PI16: variants seen among roughly 807,000 people sequenced by gnomAD.
PI16 encodes the protein peptidase inhibitor 16.
Under a neutral mutation model 38.0 loss-of-function variants are expected in PI16, and 35 were observed. The observed-to-expected ratio is 0.92, with a 90% CI of 0.70 to 1.22. PI16 has a LOEUF of 1.22. PI16 is among the 50% of genes most tolerant of loss of function. PI16 has a pLI of 0.00. For synonymous variants in PI16, 275 were observed against 252.9 expected, an observed-to-expected ratio of 1.09 and a Z score of -0.83; for missense variants, 572 against 593.8, an observed-to-expected ratio of 0.96 and a Z score of 0.38.
chr6:36,959,356 A>C lies in PI16; in HGVS notation c.383A>C (p.His128Pro), dbSNP rs1425466448. Residue 128 changes from histidine to proline, a missense_variant, in exon 2 of 7, where the codon CAC becomes CCC. Physicochemically the swap from His to Pro is moderately conservative, Grantham distance 77. Coordinates refer to ENST00000373674, the MANE Select transcript of PI16 (RefSeq NM_153370.3). Reference protein sequence around the residue: ...ATCSPGQMCGHYTQVVWAKTE... With the variant: ...ATCSPGQMCGPYTQVVWAKTE... ...TGCAGCCCAGGCCAGATGTGCGGCC[A>C]CTACACGCAGGTGTGGGCCCGGCGG... 1 of 1,556,652 alleles carries C rather than the reference A, an allele frequency of 6.4e-7. No individual in the cohort carries two copies. Among genetic ancestry groups the C allele is most frequent in the Non-Finnish European group, 8.7e-7 (1 of 1,150,866 alleles).
At position 36,963,498 on chromosome 6, in the gene PI16, A is replaced by C; in HGVS notation, c.1156A>C (p.Thr386Pro). Residue 386 changes from threonine to proline, a missense_variant, in exon 5 of 7, where the codon ACA (threonine) becomes CCA (proline). Thr to Pro is a conservative substitution (Grantham distance 38). Transcript: ENST00000373674. ...AQDKPGELQA[T>P]LDHTGHTSSK... ...GGACAAGCCAGGTGAGCTGCAGGCC[A>C]CACTGGACCACACGGGGCACACCTC... is the stretch of plus-strand genomic sequence containing the variant. 1.2e-6 allele frequency: 2 copies of C among 1,614,172 alleles called. No homozygotes were observed. Among genetic ancestry groups the C allele is most frequent in the Non-Finnish European group, 1.7e-6 (2 of 1,180,038 alleles).
Position 36,959,126 on chromosome 6 carries a change from T to C in PI16, c.172-19T>C, listed in dbSNP as rs1051661303. Reference sequence around the variant, plus strand: ...CATCTGTGGGCATCCTCACCTCCCTTCTCTCACCTGCCCTGCAGAGATGGG... The same window carrying C: ...CATCTGTGGGCATCCTCACCTCCCTCCTCTCACCTGCCCTGCAGAGATGGG... On this transcript the variant is annotated intron_variant, in intron 1 of 6. Transcript: ENST00000373674. 1.9e-6 allele frequency: 3 copies of C among 1,593,852 alleles called. No individual in the cohort carries two copies. The highest frequency in any genetic ancestry group is 2.7e-5 in the African/African-American group (2 of 74,734).
At position 36,959,315 on chromosome 6, in the gene PI16, C is replaced by A. The variant is rs1280225284; in HGVS notation, c.342C>A (p.Asn114Lys). The change falls in exon 2 of 7, where the codon AAC (asparagine) becomes AAA (lysine). Residue 114 changes from asparagine to lysine, a missense_variant. Transcript: ENST00000373674. ...EEWHHEREHY[N>K]LSAATCSPGQ... ...GGCACCACGAGCGTGAGCACTACAA[C>A]CTCAGCGCCGCCACCTGCAGCCCAG... 2.5e-6 allele frequency: 4 copies of A among 1,580,674 alleles called. No homozygotes were observed. The highest frequency in any genetic ancestry group is 3.4e-6 in the Non-Finnish European group (4 of 1,163,698).
At chr6:36,952,930 A>C (rs942909417), upstream of PI16, among the ~76,000 whole-genome samples, 1 of 152,204 alleles carries the variant, frequency 6.6e-6, no homozygotes, top group Non-Finnish European at 1.5e-5. Flanking sequence ...TAATCCATGA[A>C]TATAGGATGA....
chr6:36,963,163 C>T lies in PI16; in HGVS notation c.821C>T (p.Pro274Leu), dbSNP rs764477574. The T allele has an allele frequency of 2.5e-6, 4 of 1,614,226 alleles. No individual in the cohort carries two copies. The East Asian group carries it at 8.9e-5, about 36-fold the overall frequency. Residue 274 changes from proline to leucine, a missense_variant, in exon 5 of 7, where the codon CCC becomes CTC. Pro to Leu is a moderately conservative substitution (Grantham distance 98). Coordinates refer to ENST00000373674, the MANE Select transcript of PI16 (RefSeq NM_153370.3). The stretch of plus-strand genomic sequence containing the variant: ...ACTTCCTTAGCAACGAAAGACCCGC[C>T]CTCCATGGCAACAGAGGCTCCACCT... The part of the protein sequence containing the change: ...APTSLATKDP[P>L]SMATEAPPCV...
rs41272196 is a variant in PI16 at position 36,962,914 on chromosome 6, C to T, written c.593-21C>T. 4 of 1,586,062 alleles carry T rather than the reference C, an allele frequency of 2.5e-6. No individual in the cohort carries two copies. The highest frequency in any genetic ancestry group is 2.7e-5 in the African/African-American group (2 of 73,922). ...GGGTCCTGCTTGCAGCACTCATGCCCGTTCTCGTCTGTCTTATCAGAACCC... is the reference window on the plus strand; with the variant it reads ...GGGTCCTGCTTGCAGCACTCATGCCTGTTCTCGTCTGTCTTATCAGAACCC... On this transcript the variant is annotated intron_variant, in intron 4 of 6. Coordinates refer to ENST00000373674, the MANE Select transcript of PI16 (RefSeq NM_153370.3). This position sits in a 1 kb window ranked among gnomAD's most constrained non-coding sequence, Gnocchi z 4.1.
chr6:36,952,916 C>T (rs1763122399), upstream of PI16, among the ~76,000 whole-genome samples: 1 of 152,176 alleles, frequency 6.6e-6, no homozygotes, highest in Non-Finnish European at 1.5e-5. Flanking sequence ...AATATCAAGT[C>T]TTCTAATCCA....
chr6:36,958,136 G>A (rs1763252909), intron 1 of PI16, among the ~76,000 whole-genome samples: 1 of 151,940 alleles, frequency 6.6e-6, no homozygotes, highest in African/African-American at 2.4e-5. Context: ...TGGCCACACA[G>A]CCACCTCCCC....
intron 1 of PI16, among the ~76,000 whole-genome samples, chr6:36,958,160 AGCTCTTGGC>A (rs1244078626): frequency 6.6e-6 from 1 of 152,214 alleles, no homozygotes; most frequent in Non-Finnish European, 1.5e-5. Context: ...GGGTCACCCA[AGCTCTTGGC>A]GCTTTATGGG....
In PI16 at chr6:36,963,107, G is replaced by C; in HGVS notation, c.765G>C (p.Lys255Asn). 1 of 1,614,232 alleles carries C rather than the reference G, an allele frequency of 6.2e-7. No homozygotes were observed. The highest frequency in any genetic ancestry group is 8.5e-7 in the Non-Finnish European group (1 of 1,180,032). Residue 255 changes from lysine (K) to asparagine (N), a missense_variant, in exon 5 of 7, where the codon AAG becomes AAC. Lys to Asn is a moderately conservative substitution (Grantham distance 94). Coordinates refer to ENST00000373674, the MANE Select transcript of PI16 (RefSeq NM_153370.3). ...VTEVSGSLAT[K>N]ALPAVETQAP... ...AGGTCTCAGGCTCCCTGGCAACCAA[G>C]GCTCTGCCTGCTGTGGAAACCCAGG... is the stretch of plus-strand genomic sequence containing the variant.
chr6:36,957,186 T>C lies in PI16; in HGVS notation c.172-1959T>C, dbSNP rs1007966417. On this transcript the variant is annotated intron_variant, in intron 1 of 6. Coordinates refer to ENST00000373674, the MANE Select transcript of PI16 (RefSeq NM_153370.3). ...AGCTCCTGACTGAGAAGGTTCTGTG[T>C]GTTCTGGCCCCTGCCTATCTCTCCA... is the stretch of plus-strand genomic sequence containing the variant. 3.9e-5 allele frequency among the ~76,000 whole-genome samples: 6 copies of C among 152,294 alleles called. No homozygotes were observed. In the East Asian group the frequency reaches 1.2e-3, roughly 29 times the overall value.
In PI16 at chr6:36,964,601, C is replaced by T. The variant is rs1030983471; in HGVS notation, c.*234C>T. 3.9e-5 allele frequency: 6 copies of T among 152,810 alleles called. No homozygotes were observed. The highest frequency in any genetic ancestry group is 1.3e-4 in the Admixed American group (2 of 15,286). 9.5% of individuals were successfully genotyped at this position (152,810 alleles called of 1,614,324 possible). A position where few individuals can be genotyped will look rare whatever the true frequency, so the allele number is the denominator to read the frequency against. On this transcript the variant is annotated 3_prime_UTR_variant, in exon 7 of 7. Coordinates refer to ENST00000373674, the MANE Select transcript of PI16 (RefSeq NM_153370.3). Reference sequence around the variant, plus strand: ...GCCCACACCTCTCCTGCCCCTCCCTCCTGAGTCCTGGGGGTGGGAGGATTT... The same window carrying T: ...GCCCACACCTCTCCTGCCCCTCCCTTCTGAGTCCTGGGGGTGGGAGGATTT...
chr6:36,950,631 C>T (rs944322106), upstream of PI16, among the ~76,000 whole-genome samples: 1 of 151,994 alleles, frequency 6.6e-6, no homozygotes, highest in Non-Finnish European at 1.5e-5. The surrounding 1 kb of genome is among the most constrained non-coding windows in gnomAD (Gnocchi z 4.2). Context: ...GCAACCTCCA[C>T]TTCCTGGGTT....
At position 36,961,575 on chromosome 6, in the gene PI16, G is replaced by A. The variant is rs1219872095; in HGVS notation, c.503+15G>A. On this transcript the variant is annotated intron_variant, in intron 3 of 6. Coordinates refer to ENST00000373674, the MANE Select transcript of PI16 (RefSeq NM_153370.3). ...TATGAGCCTCCGTGAGTGCCGGGGGGAACCCTGGAGATGGAGAGGGGGAAG... is the reference window on the plus strand; with the variant it reads ...TATGAGCCTCCGTGAGTGCCGGGGGAAACCCTGGAGATGGAGAGGGGGAAG... The A allele has an allele frequency of 4.3e-6, 7 of 1,609,324 alleles. No individual in the cohort carries two copies. The highest frequency in any genetic ancestry group is 2.2e-5 in the East Asian group (1 of 44,864).
chr6:36,956,760 A>T (rs1391116119), intron 1 of PI16, among the ~76,000 whole-genome samples: 3 of 152,202 alleles, frequency 2.0e-5, no homozygotes, highest in African/African-American at 4.8e-5. Context: ...AAGTGAGTGA[A>T]TATGTGTAAA....
upstream of PI16, among the ~76,000 whole-genome samples, chr6:36,950,583 G>A (rs1196954079): frequency 1.3e-5 from 2 of 149,910 alleles, no homozygotes; most frequent in African/African-American, 2.5e-5. This position sits in a 1 kb window ranked among gnomAD's most constrained non-coding sequence, Gnocchi z 4.2. Flanking sequence ...CGCTCTTGTC[G>A]CCCAGGCTGG....
intron 1 of PI16, among the ~76,000 whole-genome samples, chr6:36,948,864 G>A (rs1047793004): frequency 7.0e-5 from 10 of 143,822 alleles, no homozygotes; most frequent in South Asian, 2.3e-4. Context: ...GCGCGATCTC[G>A]GCTCACTGCA....
upstream of PI16, among the ~76,000 whole-genome samples, chr6:36,952,079 T>C (rs191020230): frequency 8.8e-4 from 132 of 150,804 alleles, no homozygotes; most frequent in Middle Eastern, 3.4e-3. Context: ...CTGCAACCTC[T>C]GCCTCCCAGG....
intron 1 of PI16, among the ~76,000 whole-genome samples, chr6:36,949,096 TTTCTCTCTCTCCTCTC>T: frequency 6.8e-6 from 1 of 148,074 alleles, no homozygotes; most frequent in East Asian, 2.1e-4. Flanking sequence ...TTATTTTCTT[TTTCTCTCTCTCCTCTC>T]TTCTCTCTCT....
Sources: allele counts gnomAD v4.1 joint callset (sites outside exome capture counted in the v4.1 genomes callset), GRCh38; gene constraint gnomAD v4.1.1; non-coding constraint Gnocchi (gnomAD v3.1); transcripts MANE v1.5; gene names NCBI Gene and HGNC (gene_info 2026-07-23, HGNC 2026-07-21).